The following TMEM266 variants were observed in gnomAD, a reference collection of about 807,000 sequenced individuals.
TMEM266 encodes the protein Hv1 related protein 1.
TMEM266 carries 33 observed loss-of-function variants against 50.5 expected under a neutral mutation model. The observed-to-expected ratio is 0.65, with a 90% CI of 0.50 to 0.87. The LOEUF is 0.87. TMEM266 is among the 40% of genes least tolerant of loss of function. The pLI is 0.00. For synonymous variants in TMEM266, 310 were observed against 292.3 expected, an observed-to-expected ratio of 1.06 and a Z score of -0.62; for missense variants, 655 against 695.1, an observed-to-expected ratio of 0.94 and a Z score of 0.65.
At chr15:76,067,678 C>A (rs2036455859) in intron 1 of TMEM266, among the ~76,000 whole-genome samples, 2 of 141,398 alleles carry the variant, frequency 1.4e-5, no homozygotes, top group Non-Finnish European at 3.1e-5. Flanking sequence ...AAGAAAAAGT[C>A]ATTCTTGGGT....
At chr15:76,143,879 T>G (rs929431712) in intron 3 of TMEM266, among the ~76,000 whole-genome samples, 2 of 151,536 alleles carry the variant, frequency 1.3e-5, no homozygotes, top group Admixed American at 1.3e-4. Flanking sequence ...AGCCTAGGTC[T>G]CTCTCTCTCT....
intron 1 of TMEM266, among the ~76,000 whole-genome samples, chr15:76,095,812 G>A (rs537119544): frequency 6.6e-6 from 1 of 152,134 alleles, no homozygotes; most frequent in South Asian, 2.1e-4. Context: ...GGTGTATTCA[G>A]GGATTCGACT....
intron 9 of TMEM266, among the ~76,000 whole-genome samples, chr15:76,195,645 A>G (rs1170116078): frequency 1.3e-5 from 2 of 152,010 alleles, no homozygotes; most frequent in African/African-American, 4.8e-5. Context: ...ACCTCAACTC[A>G]CCTGGGGCTT....
chr15:76,071,965 G>A (rs1243040543), intron 1 of TMEM266, among the ~76,000 whole-genome samples: 19 of 151,902 alleles, frequency 1.3e-4, no homozygotes, highest in Admixed American at 1.2e-3. Flanking sequence ...GAAATTATGA[G>A]TAACCAGAAA....
chr15:76,156,202 A>T (rs529140224), intron 3 of TMEM266, among the ~76,000 whole-genome samples: 166 of 152,268 alleles, frequency 1.1e-3, no homozygotes, highest in African/African-American at 3.5e-3. Flanking sequence ...CTCTACAAAA[A>T]TACAAAAATT....
At chr15:76,150,993 G>C (rs1311943142) in intron 3 of TMEM266, among the ~76,000 whole-genome samples, 1 of 152,150 alleles carries the variant, frequency 6.6e-6, no homozygotes, top group Non-Finnish European at 1.5e-5. Context: ...ACTACCTTAT[G>C]GTAGAATACT....
At chr15:76,200,936 C>T (rs918996207) in intron 9 of TMEM266, among the ~76,000 whole-genome samples, 2 of 152,202 alleles carry the variant, frequency 1.3e-5, no homozygotes, top group Non-Finnish European at 2.9e-5. Context: ...GTGCTGCCTC[C>T]AGCCTCCCAG....
intron 1 of TMEM266, among the ~76,000 whole-genome samples, chr15:76,061,068 G>A (rs1481779748): frequency 6.6e-6 from 1 of 152,150 alleles, no homozygotes; most frequent in Admixed American, 6.5e-5. Context: ...TTGAACAACA[G>A]TGGGAAAATG....
chr15:76,181,697 G>GTC (rs758905158), intron 8 of TMEM266, among the ~76,000 whole-genome samples: 5 of 152,088 alleles, frequency 3.3e-5, no homozygotes, highest in African/African-American at 4.8e-5. Flanking sequence ...TGGATGCCTT[G>GTC]TCTCTCTCTC....
intron 8 of TMEM266, among the ~76,000 whole-genome samples, chr15:76,182,060 C>T (rs754385660): frequency 2.2e-4 from 33 of 152,210 alleles, no homozygotes; most frequent in Non-Finnish European, 4.0e-4. Flanking sequence ...GGTCCAGCCT[C>T]CAAGGAGACC....
chr15:76,192,778 T>C (rs2038600706), intron 9 of TMEM266, among the ~76,000 whole-genome samples: 1 of 152,216 alleles, frequency 6.6e-6, no homozygotes, highest in Admixed American at 6.5e-5. Flanking sequence ...CAGCCAGTTA[T>C]GTGATGGGAC....
At chr15:76,064,834 A>G (rs1013475716) in intron 1 of TMEM266, among the ~76,000 whole-genome samples, 2 of 152,212 alleles carry the variant, frequency 1.3e-5, no homozygotes, top group Non-Finnish European at 2.9e-5. Flanking sequence ...GTCAAGCCGT[A>G]ATGCATGCAA....
At chr15:76,092,595 C>T (rs2036863597) in intron 1 of TMEM266, among the ~76,000 whole-genome samples, 1 of 151,768 alleles carries the variant, frequency 6.6e-6, no homozygotes, top group Non-Finnish European at 1.5e-5. Context: ...GAGGCTGAGG[C>T]AGGAGAATTG....
chr15:76,066,686 G>A (rs1286998788), intron 1 of TMEM266, among the ~76,000 whole-genome samples: 1 of 151,856 alleles, frequency 6.6e-6, no homozygotes, highest in Non-Finnish European at 1.5e-5. Context: ...TTGTGAGTTG[G>A]CCTGGCAAAG....
intron 9 of TMEM266, among the ~76,000 whole-genome samples, chr15:76,197,079 G>A (rs2460153): frequency 0.13 from 20,545 of 152,214 alleles, 1,662 homozygotes; most frequent in African/African-American, 0.22. Context: ...GGGTGCATGC[G>A]GCCAGCCTGC....
intron 1 of TMEM266, among the ~76,000 whole-genome samples, chr15:76,084,455 G>C (rs1351082590): frequency 6.6e-6 from 1 of 152,200 alleles, no homozygotes; most frequent in East Asian, 1.9e-4. Flanking sequence ...ACTAAATGAG[G>C]TCAGCATGAC....
intron 9 of TMEM266, among the ~76,000 whole-genome samples, chr15:76,192,676 A>T (rs2038598455): frequency 6.6e-6 from 1 of 152,164 alleles, no homozygotes; most frequent in Admixed American, 6.5e-5. Context: ...CGAGACGGTG[A>T]TGTTGGTGGA....
At chr15:76,103,688 G>A (rs1427217282) in intron 1 of TMEM266, among the ~76,000 whole-genome samples, 3 of 152,116 alleles carry the variant, frequency 2.0e-5, no homozygotes, top group East Asian at 1.9e-4. Flanking sequence ...GAGGTGGGTG[G>A]ATCACCTGAG....
chr15:76,061,866 C>T (rs2036309971), intron 1 of TMEM266, among the ~76,000 whole-genome samples: 1 of 152,206 alleles, frequency 6.6e-6, no homozygotes, highest in African/African-American at 2.4e-5. Context: ...TGCCAGTCAT[C>T]AGAGCAACAT....
Sources: allele counts gnomAD v4.1 joint callset (sites outside exome capture counted in the v4.1 genomes callset), GRCh38; gene constraint gnomAD v4.1.1; transcripts MANE v1.5; gene names NCBI Gene and HGNC (gene_info 2026-07-23, HGNC 2026-07-21).